Variants in ATP9A observed in about 807,000 individuals in gnomAD.
The protein encoded by ATP9A is ATPase phospholipid transporting 9A.
ATP9A carries 52 observed loss-of-function variants against 144.1 expected under a neutral mutation model. That is an observed-to-expected ratio of 0.36 (90% CI 0.29 to 0.45). ATP9A has a LOEUF of 0.45. ATP9A is among the 20% of genes least tolerant of loss of function. The pLI is 1.00. For synonymous variants in ATP9A, 582 were observed against 557.4 expected, an observed-to-expected ratio of 1.04 and a Z score of -0.62; for missense variants, 947 against 1,392.7, an observed-to-expected ratio of 0.68 and a Z score of 5.09.
intron 3 of ATP9A, among the ~76,000 whole-genome samples, chr20:51,721,820 A>C (rs2077690871): frequency 6.6e-6 from 1 of 151,378 alleles, no homozygotes; most frequent in Non-Finnish European, 1.5e-5. Flanking sequence ...AAAAAAGAAA[A>C]AGAAAAAAGA....
chr20:51,711,584 A>G (rs138910833), intron 4 of ATP9A, among the ~76,000 whole-genome samples: 33 of 152,292 alleles, frequency 2.2e-4, no homozygotes, highest in African/African-American at 7.5e-4. Flanking sequence ...GGGATCAGTC[A>G]TCTTAGGGGA....
intron 10 of ATP9A, among the ~76,000 whole-genome samples, chr20:51,675,633 A>G (rs1176349739): frequency 6.6e-6 from 1 of 152,252 alleles, no homozygotes; most frequent in Non-Finnish European, 1.5e-5. Flanking sequence ...TAATCCCAGC[A>G]CTTTGGGAGG....
chr20:51,672,585 C>T (rs2077460607), intron 11 of ATP9A, among the ~76,000 whole-genome samples: 1 of 152,170 alleles, frequency 6.6e-6, no homozygotes, highest in African/African-American at 2.4e-5. Context: ...CACTGTTTTA[C>T]ACAAAACGAC....
At chr20:51,765,297 AGCATTTAC>A (rs2077898664) in intron 1 of ATP9A, among the ~76,000 whole-genome samples, 1 of 152,128 alleles carries the variant, frequency 6.6e-6, no homozygotes, top group Non-Finnish European at 1.5e-5. Context: ...TATATACAAG[AGCATTTAC>A]GCAAATGCAC....
chr20:51,645,528 A>AAAAC (rs766529249), intron 14 of ATP9A, among the ~76,000 whole-genome samples: 1 of 120,840 alleles, frequency 8.3e-6, no homozygotes, highest in Admixed American at 9.3e-5. Flanking sequence ...CAAACAAACA[A>AAAAC]AAACAAACAA....
intron 14 of ATP9A, among the ~76,000 whole-genome samples, chr20:51,645,858 T>C (rs1245505813): frequency 6.6e-6 from 1 of 152,122 alleles, no homozygotes; most frequent in Non-Finnish European, 1.5e-5. Flanking sequence ...CTGGCTTCTG[T>C]TCAAAGAAAT....
chr20:51,607,783 C>T (rs559429013), intron 25 of ATP9A, among the ~76,000 whole-genome samples, 199 bp from the exon 26 acceptor site: 5 of 152,240 alleles, frequency 3.3e-5, no homozygotes, highest in South Asian at 2.1e-4. Context: ...GTGGCTCACA[C>T]CTGTAATCCC....
At chr20:51,608,264 G>A (rs1041512866) in intron 25 of ATP9A, among the ~76,000 whole-genome samples, 7 of 152,070 alleles carry the variant, frequency 4.6e-5, no homozygotes, top group African/African-American at 1.7e-4. Flanking sequence ...GTCGTGAGTT[G>A]GCTTGTTTTC....
chr20:51,728,274 G>T (rs2077724386), intron 2 of ATP9A, among the ~76,000 whole-genome samples: 2 of 152,146 alleles, frequency 1.3e-5, no homozygotes, highest in Non-Finnish European at 2.9e-5. Flanking sequence ...CTCACTTGAG[G>T]TACTGAGAGT....
intron 1 of ATP9A, among the ~76,000 whole-genome samples, chr20:51,763,255 C>G (rs559702402): frequency 6.7e-6 from 1 of 148,746 alleles, no homozygotes; most frequent in African/African-American, 2.5e-5. Context: ...AAACCCATGC[C>G]GGAGTGATGG....
intron 13 of ATP9A, among the ~76,000 whole-genome samples, chr20:51,661,536 T>C (rs971155152): frequency 6.7e-6 from 1 of 149,284 alleles, no homozygotes; most frequent in Non-Finnish European, 1.5e-5. Flanking sequence ...CTTTTTTTTT[T>C]TTTTTTTTTT....
chr20:51,667,274 AC>A (rs1313189179), intron 13 of ATP9A, among the ~76,000 whole-genome samples: 1 of 152,214 alleles, frequency 6.6e-6, no homozygotes, highest in East Asian at 1.9e-4. Flanking sequence ...GCTTCCGTAA[AC>A]ACCAGGAGCT....
At chr20:51,712,295 C>T (rs966479630) in intron 4 of ATP9A, among the ~76,000 whole-genome samples, 9 of 152,032 alleles carry the variant, frequency 5.9e-5, no homozygotes, top group Non-Finnish European at 8.8e-5. Flanking sequence ...AGGATGGTCT[C>T]GATCTCCGGA....
chr20:51,618,894 C>A, intron 20 of ATP9A, 60 bp downstream of exon 20: 1 of 1,598,962 alleles, frequency 6.3e-7, no homozygotes, highest in African/African-American at 1.3e-5. Flanking sequence ...GTGCCCCTGC[C>A]GAAGCCGGGT....
chr20:51,729,949 C>A lies in ATP9A; in HGVS notation c.98G>T (p.Gly33Val). 1 of 1,572,804 alleles carries A rather than the reference C, an allele frequency of 6.4e-7. No homozygotes were observed. Among genetic ancestry groups the A allele is most frequent in the Non-Finnish European group, 8.6e-7 (1 of 1,164,920 alleles). Residue 33 changes from glycine to valine, a missense_variant, in exon 2 of 28, where the codon GGA (glycine) becomes GTA (valine). Gly to Val is a moderately radical substitution (Grantham distance 109). Transcript: ENST00000338821. ...GACAGTGCGGGGCCTGGCCTCCCCT[C>A]CACCGCAGCATCTCAGCCACTCGCA... ...GCCEWLRCCG[G>V]GEARPRTVWL...
chr20:51,629,316 A>G (rs1050835107), intron 15 of ATP9A, among the ~76,000 whole-genome samples: 2 of 152,192 alleles, frequency 1.3e-5, no homozygotes, highest in African/African-American at 4.8e-5. Context: ...TGGATTTAAG[A>G]CCTTTGTTTT....
Position 51,611,724 on chromosome 20 carries a change from T to G in ATP9A, c.2572-1559A>C, listed in dbSNP as rs2077185699. 6.6e-6 allele frequency among the ~76,000 whole-genome samples: 1 copy of G among 152,238 alleles called. No homozygotes were observed. The highest frequency in any genetic ancestry group is 2.4e-5 in the African/African-American group (1 of 41,462). ...TGTATGAGTCCAAGGACGGGCTGAT[T>G]AATCTCCCAATCATTAAAGCCACAG... On this transcript the variant is annotated intron_variant, in intron 23 of 27. Coordinates refer to ENST00000338821, the MANE Select transcript of ATP9A (RefSeq NM_006045.3). This position sits in a 1 kb window ranked among gnomAD's most constrained non-coding sequence, Gnocchi z 4.2.
chr20:51,625,063 A>G, intron 18 of ATP9A, 129 bp downstream of exon 18: 1 of 758,184 alleles, frequency 1.3e-6, no homozygotes, highest in Non-Finnish European at 2.0e-6. Flanking sequence ...CCTGTGGCCC[A>G]TTGCAGATAA....
chr20:51,647,394 C>CA (rs1296100542), intron 14 of ATP9A, among the ~76,000 whole-genome samples: 3 of 151,354 alleles, frequency 2.0e-5, no homozygotes. Context: ...ACTAAAAATA[C>CA]AAAAAAATTA....
Sources: gnomAD v4.1 joint callset for allele counts (sites outside exome capture counted in the v4.1 genomes callset) on GRCh38, gnomAD v4.1.1 for gene constraint, Gnocchi (gnomAD v3.1) non-coding constraint, MANE v1.5 for transcripts, NCBI Gene and HGNC (gene_info 2026-07-23, HGNC 2026-07-21) for gene names.